NYAP2: variants seen among roughly 807,000 people sequenced by gnomAD.
NYAP2 encodes the protein neuronal tyrosine-phosphorylated phosphoinositide-3-kinase adaptor 2, also known as neuronal tyrosine-phosphorylated phosphoinositide-3-kinase adapter 2.
In NYAP2, 23 loss-of-function variants were observed where a neutral mutation model predicts 50.4. The ratio of observed to expected loss-of-function variants is 0.46; its 90% CI spans 0.33 to 0.65. The LOEUF (loss-of-function observed/expected upper bound fraction) is 0.65. Ranked by LOEUF, NYAP2 falls within the 30% of genes least tolerant of loss-of-function variation. The pLI, the probability that NYAP2 is intolerant of heterozygous loss-of-function variation, is 0.02. For synonymous variants in NYAP2, 394 were observed against 365.2 expected (o/e 1.08, Z -0.90); for missense variants, 885 against 861.0 (o/e 1.03, Z -0.35).
intron 4 of NYAP2, among the ~76,000 whole-genome samples, chr2:225,568,699 A>T (rs1692005434): frequency 6.6e-6 from 1 of 152,204 alleles, no homozygotes; most frequent in Non-Finnish European, 1.5e-5. Context: ...GAAATACCTA[A>T]ACTGGCACCA....
chr2:225,683,808 A>C, the NYAP2 span, among the ~76,000 whole-genome samples: 1 of 152,300 alleles, frequency 6.6e-6, no homozygotes, highest in East Asian at 1.9e-4. Flanking sequence ...TTGGCTTGGT[A>C]GGTCACGAAC....
At chr2:225,418,254 G>A (rs965550332) in intron 3 of NYAP2, among the ~76,000 whole-genome samples, 1 of 152,132 alleles carries the variant, frequency 6.6e-6, no homozygotes, top group South Asian at 2.1e-4. Context: ...ACTGTGGCTC[G>A]AACAGGGCAG....
At position 225,582,880 on chromosome 2, in the gene NYAP2, T is replaced by A. The variant is rs926378534; in HGVS notation, c.1463T>A (p.Val488Asp). ...GTGTCGCAAGATGGGGCCAAGATGG[T>A]CAACGCCGCGGTGAACACCTACGGG... Residue 488 changes from valine to aspartate, a missense_variant, in exon 5 of 7, where the codon GTC becomes GAC. Physicochemically the swap from Val to Asp is radical, Grantham distance 152 (BLOSUM62 -3). Coordinates refer to ENST00000636099, the Ensembl canonical transcript of NYAP2. This position sits in a 1 kb window ranked among gnomAD's most constrained non-coding sequence, Gnocchi z 7.0. The A allele has an allele frequency of 3.1e-5, 50 of 1,613,402 alleles. No homozygotes were observed. Among genetic ancestry groups the A allele is most frequent in the Non-Finnish European group, 4.2e-5 (49 of 1,179,854 alleles).
At chr2:225,403,654 C>T (rs1368943592) in intron 2 of NYAP2, among the ~76,000 whole-genome samples, 1 of 151,866 alleles carries the variant, frequency 6.6e-6, no homozygotes, top group East Asian at 1.9e-4. Context: ...AACTTTATAT[C>T]TTGGAAAATA....
At chr2:225,661,727 T>TC in the NYAP2 span, among the ~76,000 whole-genome samples, 40 of 26,986 alleles carry the variant, frequency 1.5e-3, no homozygotes, top group Admixed American at 0.027. Context: ...TTGCTCTCTC[T>TC]TTTTTTTTTT....
intron 3 of NYAP2, among the ~76,000 whole-genome samples, chr2:225,479,533 C>T (rs945769962): frequency 6.6e-6 from 1 of 152,084 alleles, no homozygotes; most frequent in Non-Finnish European, 1.5e-5. Context: ...GTATGACATG[C>T]CAAAAGTTCA....
chr2:225,510,561 T>A (rs1690792880), intron 3 of NYAP2, among the ~76,000 whole-genome samples: 1 of 152,206 alleles, frequency 6.6e-6, no homozygotes, highest in Non-Finnish European at 1.5e-5. Flanking sequence ...TCAATTTGTT[T>A]TGGGCTAATA....
intron 3 of NYAP2, among the ~76,000 whole-genome samples, chr2:225,512,875 T>TTCTTTCTTTCTG (rs1690855574): frequency 6.8e-6 from 1 of 146,268 alleles, no homozygotes; most frequent in African/African-American, 2.6e-5. Flanking sequence ...CTTCCTTCCT[T>TTCTTTCTTTCTG]CCTTCCTTCC....
At position 225,507,172 on chromosome 2, in the gene NYAP2, GTCA is replaced by G. The variant is rs764828538; in HGVS notation, c.222-6191_222-6189del. ...TATCTAGCTATCAGTCTACATCATT[GTCA>G]TCATCATTATCTATCTGGGGTGGGA... On this transcript the variant is annotated intron_variant, in intron 3 of 6. Transcript: ENST00000636099. 4.6e-5 allele frequency among the ~76,000 whole-genome samples: 7 copies of G among 152,194 alleles called. No individual in the cohort carries two copies. In the South Asian group the frequency reaches 1.2e-3, roughly 27 times the overall value.
chr2:225,554,530 G>C (rs1691739981), intron 4 of NYAP2, among the ~76,000 whole-genome samples: 1 of 151,880 alleles, frequency 6.6e-6, no homozygotes, highest in Non-Finnish European at 1.5e-5. Context: ...TGCCATGTTG[G>C]TCGGGCTGAT....
intron 6 of NYAP2, among the ~76,000 whole-genome samples, chr2:225,643,537 G>A (rs1408470966): frequency 6.6e-6 from 1 of 151,522 alleles, no homozygotes; most frequent in Non-Finnish European, 1.5e-5. Context: ...CTGGTGCGCT[G>A]CACCCACTAA....
chr2:225,483,080 T>A (rs1690232778), intron 3 of NYAP2, among the ~76,000 whole-genome samples: 2 of 152,188 alleles, frequency 1.3e-5, no homozygotes. Flanking sequence ...ATGAGTAATG[T>A]GAAAATCTGT....
At chr2:225,411,826 A>C (rs976544374) in intron 3 of NYAP2, among the ~76,000 whole-genome samples, 1 of 152,032 alleles carries the variant, frequency 6.6e-6, no homozygotes, top group African/African-American at 2.4e-5. Flanking sequence ...TTTTTACCAC[A>C]TTTGTGTTAT....
At chr2:225,494,580 A>G (rs1690468085) in intron 3 of NYAP2, among the ~76,000 whole-genome samples, 2 of 152,242 alleles carry the variant, frequency 1.3e-5, no homozygotes, top group South Asian at 4.1e-4. Context: ...CATTCCTCCC[A>G]GAAAATTAGG....
At chr2:225,491,821 T>C (rs1210737515) in intron 3 of NYAP2, among the ~76,000 whole-genome samples, 1 of 152,256 alleles carries the variant, frequency 6.6e-6, no homozygotes, top group African/African-American at 2.4e-5. Context: ...ATACTTCATA[T>C]AAAGCAATAA....
the NYAP2 span, among the ~76,000 whole-genome samples, chr2:225,686,062 AAAG>A: frequency 6.6e-6 from 1 of 152,264 alleles, no homozygotes; most frequent in South Asian, 2.1e-4. Flanking sequence ...ATACATGCAT[AAAG>A]AAGAAATACC....
In NYAP2 at chr2:225,408,758, C is replaced by T. The variant is rs149642323; in HGVS notation, c.-17-106C>T. On this transcript the variant is annotated intron_variant, in intron 2 of 6. Coordinates refer to ENST00000636099, the Ensembl canonical transcript of NYAP2. ...ATTCTAGTGAGATATTTTCTCCAAT[C>T]GGATTTGGCCATAATTATTGGAGTT... 3.1e-3 allele frequency: 1,872 copies of T among 602,116 alleles called. 4 individuals carry two copies. Among genetic ancestry groups the T allele is most frequent in the Non-Finnish European group, 4.7e-3 (1,587 of 335,788 alleles). 37.3% of individuals were successfully genotyped at this position (602,116 alleles called of 1,614,324 possible). A position where few individuals can be genotyped will look rare whatever the true frequency, so the allele number is the denominator to read the frequency against.
chr2:225,524,614 A>G (rs1006376105), intron 4 of NYAP2, among the ~76,000 whole-genome samples: 2 of 152,202 alleles, frequency 1.3e-5, no homozygotes, highest in Admixed American at 6.6e-5. Flanking sequence ...AGGATTAAAG[A>G]TCCAAATATA....
At chr2:225,533,780 C>A (rs1179465770) in intron 4 of NYAP2, among the ~76,000 whole-genome samples, 1 of 152,040 alleles carries the variant, frequency 6.6e-6, no homozygotes, top group African/African-American at 2.4e-5. Flanking sequence ...TAAATAGTAG[C>A]CAGATAAATG....
Sources: allele counts gnomAD v4.1 joint callset (sites outside exome capture counted in the v4.1 genomes callset), GRCh38; gene constraint gnomAD v4.1.1; non-coding constraint Gnocchi (gnomAD v3.1); transcripts MANE v1.5; gene names NCBI Gene and HGNC (gene_info 2026-07-23, HGNC 2026-07-21).